The following ECPAS variants were observed in gnomAD, a reference collection of about 807,000 sequenced individuals.
The protein encoded by ECPAS is proteasome adapter and scaffold protein ECM29.
ECPAS carries 70 observed loss-of-function variants against 255.1 expected under a neutral mutation model. The observed-to-expected ratio is 0.27, with a 90% confidence interval of 0.23 to 0.33. The LOEUF is 0.33. Among genes scored for constraint, ECPAS ranks in the 10% least tolerant of loss-of-function variants. The probability of loss-of-function intolerance (pLI) is 1.00; values close to 1 mark genes in which losing one functional copy is unlikely to be tolerated. For missense variants in ECPAS, 1,817 were observed against 2,206.4 expected (o/e 0.82, Z 3.54); for synonymous variants, 784 against 775.0 (o/e 1.01, Z -0.19).
intron 8 of ECPAS, among the ~76,000 whole-genome samples, chr9:111,431,459 G>A (rs1011196787): frequency 2.0e-5 from 3 of 151,918 alleles, no homozygotes; most frequent in African/African-American, 7.3e-5. Flanking sequence ...TCAGGAGGCT[G>A]AGGCACGAGA....
intron 48 of ECPAS, among the ~76,000 whole-genome samples, chr9:111,363,876 T>C (rs2098117099): frequency 1.3e-5 from 2 of 152,128 alleles, no homozygotes; most frequent in African/African-American, 4.8e-5. Flanking sequence ...AACAAAAACC[T>C]GTCAGCCAAG....
At chr9:111,424,418 G>C (rs1007216878) in intron 12 of ECPAS, among the ~76,000 whole-genome samples, 8 of 152,198 alleles carry the variant, frequency 5.3e-5, no homozygotes, top group Middle Eastern at 3.2e-3. Flanking sequence ...TCTAATTTCA[G>C]ATGTAAGATC....
intron 9 of ECPAS, among the ~76,000 whole-genome samples, chr9:111,428,681 C>G (rs2098225237): frequency 6.6e-6 from 1 of 151,776 alleles, no homozygotes; most frequent in Admixed American, 6.6e-5. Flanking sequence ...TGTGGACATT[C>G]TTTTTTCATA....
intron 35 of ECPAS, among the ~76,000 whole-genome samples, chr9:111,379,204 T>C (rs1366260334): frequency 1.3e-5 from 2 of 152,190 alleles, no homozygotes; most frequent in Admixed American, 1.3e-4. Flanking sequence ...CAGACCACAA[T>C]GTCCAGCAGT....
rs1385271163 is a variant in ECPAS, at chr9:111,366,181, TC to T, written c.5308+57del. The T allele has an allele frequency of 6.2e-6, 7 of 1,127,530 alleles. No individual in the cohort carries two copies. The East Asian group carries it at 1.5e-4, about 25-fold the overall frequency. The allele number at this position is 1,127,530 out of a possible 1,614,324, so 69.8% of individuals were successfully genotyped here. The stretch of plus-strand genomic sequence containing the variant: ...AGACAAAGTAGGAAATATTTGAAGC[TC>T]AGCTCCTTAGCTTTAAAATTAGGAC... On this transcript the variant is annotated intron_variant, in intron 48 of 49. Transcript: ENST00000684092.
chr9:111,417,478 G>A (rs375975776), intron 17 of ECPAS, among the ~76,000 whole-genome samples: 22 of 152,216 alleles, frequency 1.4e-4, no homozygotes, highest in African/African-American at 5.3e-4. Context: ...GGGCATGGTG[G>A]TTCATGCCTG....
chr9:111,440,580 A>C lies in ECPAS; in HGVS notation c.390-59T>G, dbSNP rs768334329. The C allele has an allele frequency of 2.2e-6, 3 of 1,335,944 alleles. No individual in the cohort carries two copies. In the Admixed American group the frequency reaches 7.7e-5, roughly 34 times the overall value. 82.8% of individuals were successfully genotyped at this position (1,335,944 alleles called of 1,614,324 possible). On this transcript the variant is annotated intron_variant, in intron 5 of 49. Transcript: ENST00000684092. Reference sequence around the variant, plus strand: ...AAAAAATGAGATTTTTATACATGCAAAACACAGACAAAACAAAAATCACGT... The same window carrying C: ...AAAAAATGAGATTTTTATACATGCACAACACAGACAAAACAAAAATCACGT...
chr9:111,442,429 T>C lies in ECPAS; in HGVS notation c.271-5A>G, dbSNP rs1403736240. ...AACATAAATTATAGTAAAATTCTAA[T>C]GCAATAAGAGAAAAGCAAGTGAGTG... On this transcript the variant is annotated splice_polypyrimidine_tract_variant and splice_region_variant and intron_variant, in intron 4 of 49. Transcript: ENST00000684092. 1.3e-6 allele frequency: 2 copies of C among 1,520,012 alleles called. No individual in the cohort carries two copies. The highest frequency in any genetic ancestry group is 9.1e-7 in the Non-Finnish European group (1 of 1,101,610). 94.2% of individuals were successfully genotyped at this position (1,520,012 alleles called of 1,614,324 possible).
chr9:111,463,611 T>C (rs1279741337), intron 2 of ECPAS, among the ~76,000 whole-genome samples: 2 of 152,166 alleles, frequency 1.3e-5, no homozygotes, highest in African/African-American at 2.4e-5. Context: ...ATTATTAAGA[T>C]TGAGTGTGAC....
At chr9:111,372,708 G>T (rs1410307795) in intron 41 of ECPAS, 88 bp from the exon 42 acceptor site, 1 of 1,017,644 alleles carries the variant, frequency 9.8e-7, no homozygotes, top group Non-Finnish European at 1.4e-6. Flanking sequence ...TCATATAATA[G>T]CAAAACAAAC....
At chr9:111,448,823 A>G (rs372346742) in intron 3 of ECPAS, among the ~76,000 whole-genome samples, 1 of 152,238 alleles carries the variant, frequency 6.6e-6, no homozygotes, top group Admixed American at 6.5e-5. Flanking sequence ...CACTCTTATA[A>G]ATAAGTCAAA....
chr9:111,430,687 CA>C (rs574676757), intron 8 of ECPAS, 59 bp from the exon 9 acceptor site: 19 of 1,110,264 alleles, frequency 1.7e-5, no homozygotes, highest in East Asian at 2.6e-5. Context: ...TCAGTGATTT[CA>C]AAAAAATTAT....
chr9:111,363,688 G>A (rs749299547), intron 48 of ECPAS, 29 bp from the exon 49 acceptor site: 1 of 1,087,202 alleles, frequency 9.2e-7, no homozygotes, highest in African/African-American at 1.7e-5. Context: ...CAGTTCATAT[G>A]GCCTGCCTGA....
chr9:111,465,850 A>G, intron 2 of ECPAS, among the ~76,000 whole-genome samples: 1 of 151,582 alleles, frequency 6.6e-6, no homozygotes, highest in Non-Finnish European at 1.5e-5. Flanking sequence ...CCTCGGCAAC[A>G]CAGCAAGACC....
At chr9:111,378,039 G>A (rs1291139491) in intron 36 of ECPAS, among the ~76,000 whole-genome samples, 2 of 152,042 alleles carry the variant, frequency 1.3e-5, no homozygotes, top group East Asian at 1.9e-4. Flanking sequence ...TCAGCTACTC[G>A]GGATGCTGAG....
At chr9:111,455,450 C>G (rs1280915629) in intron 2 of ECPAS, among the ~76,000 whole-genome samples, 1 of 152,134 alleles carries the variant, frequency 6.6e-6, no homozygotes, top group Non-Finnish European at 1.5e-5. Context: ...TGCCACTGCA[C>G]TCCAGTCTGG....
chr9:111,373,153 T>G lies in ECPAS; in HGVS notation c.4336+17A>C. 1.2e-6 allele frequency: 2 copies of G among 1,603,410 alleles called. No homozygotes were observed. Among genetic ancestry groups the G allele is most frequent in the East Asian group, 4.5e-5 (2 of 44,808 alleles). ...CATCTAAATTTAAAATGACATAAAATAGAAAAAGAAAGGTACCTTCTTTCT... is the reference window on the plus strand; with the variant it reads ...CATCTAAATTTAAAATGACATAAAAGAGAAAAAGAAAGGTACCTTCTTTCT... On this transcript the variant is annotated intron_variant, in intron 41 of 49. Coordinates refer to ENST00000684092, the MANE Select transcript of ECPAS (RefSeq NM_001364929.1).
At chr9:111,474,309 T>C (rs1251582829) in intron 1 of ECPAS, among the ~76,000 whole-genome samples, 1 of 152,224 alleles carries the variant, frequency 6.6e-6, no homozygotes, top group African/African-American at 2.4e-5. Context: ...CACCTTCTAG[T>C]CTCAGGTCAG....
chr9:111,372,893 G>A (rs534290047), intron 41 of ECPAS, among the ~76,000 whole-genome samples: 14 of 152,152 alleles, frequency 9.2e-5, no homozygotes, highest in Admixed American at 1.3e-4. Flanking sequence ...TTAACCAGGC[G>A]TGGTGGCACG....
Sources: gnomAD v4.1 joint callset for allele counts (sites outside exome capture counted in the v4.1 genomes callset) on GRCh38, gnomAD v4.1.1 for gene constraint, MANE v1.5 for transcripts, NCBI Gene and HGNC (gene_info 2026-07-23, HGNC 2026-07-21) for gene names.